LYAR: variants seen among roughly 807,000 people sequenced by gnomAD.
The protein encoded by LYAR is cell growth-regulating nucleolar protein.
In LYAR, 37 loss-of-function variants were observed where a neutral mutation model predicts 45.2. That is an observed-to-expected ratio of 0.82 (90% CI 0.63 to 1.08). The LOEUF is 1.08. Ranked by LOEUF, LYAR falls within the 50% of genes least tolerant of loss-of-function variation. The pLI, the probability that LYAR is intolerant of heterozygous loss-of-function variation, is 0.00. For missense variants in LYAR, 493 were observed against 451.0 expected (o/e 1.09, Z -0.84); for synonymous variants, 176 against 155.1 (o/e 1.14, Z -1.00).
intron 6 of LYAR, among the ~76,000 whole-genome samples, chr4:4,275,072 AC>A (rs1295696332): frequency 2.0e-5 from 3 of 152,154 alleles, no homozygotes; most frequent in Non-Finnish European, 2.9e-5. Flanking sequence ...CTCACTATTC[AC>A]CTTTTAGATA....
At position 4,267,997 on chromosome 4, in the gene LYAR, T is replaced by C. The variant is rs752038504; in HGVS notation, c.1032A>G (p.Thr344=). The C allele has an allele frequency of 6.2e-7, 1 of 1,611,972 alleles. No homozygotes were observed. The highest frequency in any genetic ancestry group is 8.5e-7 in the Non-Finnish European group (1 of 1,179,726). ...CCTCTTCGGATCTGTGATGCTCATC[T>C]GTCACTGTGTAGTACTGAGCTAAAA... is the stretch of plus-strand genomic sequence containing the variant. ...KKVLAQYYTV[T]DEHHRSEEEL... Residue 344 remains threonine (T), a synonymous_variant, in exon 10 of 10, where the codon ACA becomes ACG. Transcript: ENST00000343470.
chr4:4,278,396 A>G (rs1719273740), intron 6 of LYAR, among the ~76,000 whole-genome samples: 2 of 152,256 alleles, frequency 1.3e-5, no homozygotes, highest in South Asian at 4.1e-4. Flanking sequence ...GCTGAAAGAT[A>G]GCAAACCAAG....
At chr4:4,288,543 T>A (rs1385465443) in intron 1 of LYAR, among the ~76,000 whole-genome samples, 1 of 149,200 alleles carries the variant, frequency 6.7e-6, no homozygotes, top group Non-Finnish European at 1.5e-5. Flanking sequence ...TGGAGTACAA[T>A]GGCGCAATCT....
chr4:4,281,907 G>A lies in LYAR; in HGVS notation c.123-10C>T, dbSNP rs1240404081. Reference sequence around the variant, plus strand: ...TTTATAGTCATCGCCCCTTTAAAGTGATCAAAAGTTCTGCCATTAGACTGA... The same window carrying A: ...TTTATAGTCATCGCCCCTTTAAAGTAATCAAAAGTTCTGCCATTAGACTGA... On this transcript the variant is annotated splice_polypyrimidine_tract_variant and intron_variant, in intron 3 of 9. Transcript: ENST00000343470. The A allele has an allele frequency of 1.9e-6, 3 of 1,594,906 alleles. No homozygotes were observed. The highest frequency in any genetic ancestry group is 2.6e-6 in the Non-Finnish European group (3 of 1,163,060).
At chr4:4,281,695 G>A in intron 4 of LYAR, 88 bp downstream of exon 4, 1 of 931,476 alleles carries the variant, frequency 1.1e-6, no homozygotes, top group Non-Finnish European at 1.8e-6. Context: ...TGTCTGCAGG[G>A]ATGACACATT....
At chr4:4,272,873 G>C (rs1718996352) in intron 8 of LYAR, among the ~76,000 whole-genome samples, 1 of 152,320 alleles carries the variant, frequency 6.6e-6, no homozygotes, top group African/African-American at 2.4e-5. Context: ...GGATCCTGGG[G>C]GTTGGGGGAG....
chr4:4,273,744 T>C, intron 7 of LYAR, 75 bp from the exon 8 acceptor site: 1 of 833,982 alleles, frequency 1.2e-6, no homozygotes, highest in South Asian at 1.5e-5. Context: ...TGAGACCTTA[T>C]GCGAGCTAGG....
In LYAR at chr4:4,267,895, C is replaced by T. The variant is rs1176440366; in HGVS notation, c.1134G>A (p.Val378=). The part of the protein sequence containing the change: ...FKLLKDKVKL[V]K ...TTTTTAAATACACAAATGTTCATTT[C>T]ACAAGCTTGACTTTGTCCTTTAATA... Residue 378 remains valine, a synonymous_variant, in exon 10 of 10, where the codon GTG becomes GTA. Coordinates refer to ENST00000343470, the MANE Select transcript of LYAR (RefSeq NM_017816.3). 1 of 1,609,186 alleles carries T rather than the reference C, an allele frequency of 6.2e-7. No individual in the cohort carries two copies. The highest frequency in any genetic ancestry group is 8.5e-7 in the Non-Finnish European group (1 of 1,178,376).
chr4:4,275,790 G>C (rs1256634444), intron 6 of LYAR, among the ~76,000 whole-genome samples: 3 of 152,058 alleles, frequency 2.0e-5, no homozygotes, highest in African/African-American at 7.2e-5. Context: ...CCACCTCCCA[G>C]ATTCAAGTGA....
At chr4:4,288,824 C>T (rs1380029187) in intron 1 of LYAR, among the ~76,000 whole-genome samples, 2 of 152,216 alleles carry the variant, frequency 1.3e-5, no homozygotes, top group Non-Finnish European at 2.9e-5. Context: ...CACATGCAGA[C>T]ACTGACCTAC....
intron 9 of LYAR, 151 bp from the exon 10 acceptor site, chr4:4,268,174 G>A (rs1027655801): frequency 2.4e-5 from 15 of 632,960 alleles, no homozygotes; most frequent in Admixed American, 3.8e-5. Context: ...AAACCCAGGC[G>A]GCAGCCACGT....
chr4:4,280,051 C>G (rs1024007477), intron 4 of LYAR, among the ~76,000 whole-genome samples: 3 of 152,102 alleles, frequency 2.0e-5, no homozygotes, highest in African/African-American at 7.2e-5. Flanking sequence ...AGAGTCCACA[C>G]AAAAATTGTT....
intron 1 of LYAR, among the ~76,000 whole-genome samples, chr4:4,288,795 C>A (rs1307033648): frequency 3.9e-5 from 6 of 152,166 alleles, no homozygotes; most frequent in African/African-American, 1.4e-4. Context: ...CTTGACTATT[C>A]TTAAAATATT....
At chr4:4,274,868 A>C in intron 6 of LYAR, 99 bp from the exon 7 acceptor site, 3 of 1,222,190 alleles carry the variant, frequency 2.5e-6, no homozygotes, top group Non-Finnish European at 3.4e-6. Context: ...CTGTTCAAGA[A>C]AAACGGTTGG....
chr4:4,274,843 G>C, intron 6 of LYAR, 74 bp from the exon 7 acceptor site: 1 of 1,395,824 alleles, frequency 7.2e-7, no homozygotes, highest in Non-Finnish European at 9.8e-7. Context: ...TTATTGCCTG[G>C]GCCTACTACA....
chr4:4,286,930 C>T (rs1041577599), intron 1 of LYAR, among the ~76,000 whole-genome samples: 10 of 152,116 alleles, frequency 6.6e-5, no homozygotes, highest in Admixed American at 2.0e-4. Flanking sequence ...GGATTACAGG[C>T]GTGAGCCACC....
At chr4:4,273,462 C>T (rs1263978535) in intron 8 of LYAR, 121 bp downstream of exon 8, 1 of 672,238 alleles carries the variant, frequency 1.5e-6, no homozygotes, top group Admixed American at 2.5e-5. Flanking sequence ...GCCCATGGCT[C>T]ACTACAGCCT....
rs58621039 is a variant in LYAR at position 4,279,418 on chromosome 4, A to G, written c.429+29T>C. On this transcript the variant is annotated intron_variant, in intron 6 of 9. Transcript: ENST00000343470. Reference sequence around the variant, plus strand: ...ATTATTACTAATTATTTTTGCCACAATGCAAATCTAAAATCAGATCTGACT... The same window carrying G: ...ATTATTACTAATTATTTTTGCCACAGTGCAAATCTAAAATCAGATCTGACT... 37,777 of 1,448,754 alleles carry G rather than the reference A, an allele frequency of 0.026. 3,993 individuals carry two copies. In the East Asian group the frequency reaches 0.34, roughly 13 times the overall value. 89.7% of individuals were successfully genotyped at this position (1,448,754 alleles called of 1,614,324 possible). A position where few individuals can be genotyped will look rare whatever the true frequency, so the allele number is the denominator to read the frequency against.
chr4:4,280,025 A>T (rs979123131), intron 4 of LYAR, among the ~76,000 whole-genome samples: 2 of 152,254 alleles, frequency 1.3e-5, no homozygotes, highest in African/African-American at 4.8e-5. Flanking sequence ...GTGGTCTTAT[A>T]TGTCAAAAGT....
Sources: gnomAD v4.1 joint callset for allele counts (sites outside exome capture counted in the v4.1 genomes callset) on GRCh38, gnomAD v4.1.1 for gene constraint, MANE v1.5 for transcripts, NCBI Gene and HGNC (gene_info 2026-07-23, HGNC 2026-07-21) for gene names.